The following FGD4 variants were observed in gnomAD, a reference collection of about 807,000 sequenced individuals.
FGD4 encodes the protein FYVE, RhoGEF and PH domain-containing protein 4.
Under a neutral mutation model 102.0 loss-of-function variants are expected in FGD4, and 42 were observed. The observed-to-expected ratio is 0.41, with a 90% CI of 0.32 to 0.53. FGD4 has a LOEUF of 0.53. FGD4 is among the 20% of genes least tolerant of loss of function. The pLI is 0.21. For synonymous variants in FGD4, 380 were observed against 375.7 expected (o/e 1.01, Z -0.13); for missense variants, 902 against 1,078.2 (o/e 0.84, Z 2.29).
chr12:32,428,621 G>GT (rs904968727), intron 1 of FGD4, among the ~76,000 whole-genome samples: 1 of 152,144 alleles, frequency 6.6e-6, no homozygotes, highest in Non-Finnish European at 1.5e-5. Context: ...GCCTTGCTAG[G>GT]TTGGGGAAGT....
At chr12:32,467,786 C>A (rs923717844) in intron 1 of FGD4, among the ~76,000 whole-genome samples, 1 of 152,100 alleles carries the variant, frequency 6.6e-6, no homozygotes, top group Non-Finnish European at 1.5e-5. Flanking sequence ...GAGGCCAAGG[C>A]GGGCAGATCA....
intron 1 of FGD4, among the ~76,000 whole-genome samples, chr12:32,403,955 A>G (rs1241704759): frequency 1.3e-5 from 2 of 152,014 alleles, no homozygotes; most frequent in Non-Finnish European, 2.9e-5. Context: ...TCCTATTGTG[A>G]AAACCCAAGG....
At chr12:32,469,963 C>G (rs961581691) in intron 1 of FGD4, among the ~76,000 whole-genome samples, 3 of 151,946 alleles carry the variant, frequency 2.0e-5, no homozygotes, top group Non-Finnish European at 4.4e-5. Flanking sequence ...CTGGCCTAAC[C>G]AATTTTCTAT....
At chr12:32,474,958 G>A (rs533858653) in intron 1 of FGD4, among the ~76,000 whole-genome samples, 5 of 152,176 alleles carry the variant, frequency 3.3e-5, no homozygotes, top group South Asian at 2.1e-4. Context: ...AATTGATGGC[G>A]GGTATATGTA....
At chr12:32,469,389 C>G (rs1273163001) in intron 1 of FGD4, among the ~76,000 whole-genome samples, 1 of 151,892 alleles carries the variant, frequency 6.6e-6, no homozygotes, top group Non-Finnish European at 1.5e-5. Context: ...AGGAATTCTC[C>G]TGCCTCAGCC....
chr12:32,583,015 G>A (rs1288826241), intron 4 of FGD4: 1 of 153,462 alleles, frequency 6.5e-6, no homozygotes, highest in Non-Finnish European at 1.4e-5. Context: ...AATAAATGGT[G>A]TAGTCTTTGA....
In FGD4 at chr12:32,506,314, A is replaced by G. The variant is rs978709981; in HGVS notation, c.167-57823A>G. 2.0e-5 allele frequency among the ~76,000 whole-genome samples: 3 copies of G among 152,120 alleles called. No individual in the cohort carries two copies. Among genetic ancestry groups the G allele is most frequent in the Non-Finnish European group, 4.4e-5 (3 of 68,026 alleles). On this transcript the variant is annotated intron_variant, in intron 1 of 16. Coordinates refer to ENST00000534526, the MANE Select transcript of FGD4 (RefSeq NM_001370298.3). This position sits in a 1 kb window ranked among gnomAD's most constrained non-coding sequence, Gnocchi z 4.5. ...TGTCATTATAAATACCAAGCTTTTA[A>G]AAAACATTAACTGCCAAGCCAATTG...
Position 32,582,083 on chromosome 12 carries a change from A to G in FGD4, c.627A>G (p.Pro209=). ...PQQKLLSQHL[P]QRQGNDTDKT... is the part of the protein sequence containing the mutation. ...AAAAACTCCTCTCCCAGCACTTGCC[A>G]CAGAGGCAGGGAAATGATACAGATA... Residue 209 remains proline (P), a synonymous_variant, in exon 4 of 17, where the codon CCA becomes CCG. Transcript: ENST00000534526. 1 of 1,614,228 alleles carries G rather than the reference A, an allele frequency of 6.2e-7. No homozygotes were observed.
chr12:32,417,935 T>C (rs2136409916), intron 1 of FGD4, among the ~76,000 whole-genome samples: 1 of 149,714 alleles, frequency 6.7e-6, no homozygotes, highest in African/African-American at 2.5e-5. Flanking sequence ...TTTCCAGGAA[T>C]GGTCCCTGGT....
intron 4 of FGD4, among the ~76,000 whole-genome samples, chr12:32,587,374 GTATTTATT>G (rs149737397): frequency 0.29 from 43,152 of 150,390 alleles, 6,479 homozygotes; most frequent in Middle Eastern, 0.49. Context: ...TTTTTATTCT[GTATTTATT>G]TATTTATTTA....
rs1338467073 is a variant in FGD4, at chr12:32,464,591, T to G, written c.166+64632T>G. 5.3e-5 allele frequency among the ~76,000 whole-genome samples: 8 copies of G among 152,302 alleles called. No homozygotes were observed. The South Asian group carries it at 6.2e-4, about 12-fold the overall frequency. On this transcript the variant is annotated intron_variant, in intron 1 of 16. Transcript: ENST00000534526. ...GGCTGATTGAATAATAATAGAAGAA[T>G]AAGAATGGATAAAATTTATTGAGAG...
chr12:32,399,585 C>T lies in FGD4; in HGVS notation c.-209C>T. ...AGATACCGAGACGCTGCGACTGCCGCAGGAGTCGCCGCAGCCAAACTCGCC... is the reference window on the plus strand; with the variant it reads ...AGATACCGAGACGCTGCGACTGCCGTAGGAGTCGCCGCAGCCAAACTCGCC... On this transcript the variant is annotated 5_prime_UTR_variant, in exon 1 of 17. Transcript: ENST00000534526. The T allele has an allele frequency of 7.8e-7, 1 of 1,274,054 alleles. No homozygotes were observed. The highest frequency in any genetic ancestry group is 1.0e-6 in the Non-Finnish European group (1 of 969,036). 78.9% of individuals were successfully genotyped at this position (1,274,054 alleles called of 1,614,324 possible). A position where few individuals can be genotyped will look rare whatever the true frequency, so the allele number is the denominator to read the frequency against.
In FGD4 at chr12:32,495,695, C is replaced by CAAAAAAAAAAAAAAAAAAAAAAA. The variant is rs766436638; in HGVS notation, c.167-68425_167-68424insAAAAAAAAAAAAAAAAAAAAAAA. 3.9e-4 allele frequency among the ~76,000 whole-genome samples: 30 copies of CAAAAAAAAAAAAAAAAAAAAAAA among 76,062 alleles called. 1 individual carries two copies. The highest frequency in any genetic ancestry group is 1.5e-3 in the African/African-American group (28 of 18,624). The allele number at this position is 76,062 out of a possible 152,430, so 49.9% of individuals were successfully genotyped here. ...TGGGCCACAGAGAGAGACTCTGTTT[C>CAAAAAAAAAAAAAAAAAAAAAAA]AAAAAAAAAAAAAAAAAGAAGCTTT... On this transcript the variant is annotated intron_variant, in intron 1 of 16. Transcript: ENST00000534526.
At chr12:32,444,673 G>C (rs1942561106) in intron 1 of FGD4, among the ~76,000 whole-genome samples, 1 of 152,162 alleles carries the variant, frequency 6.6e-6, no homozygotes, top group African/African-American at 2.4e-5. Context: ...CTAAAGTGCT[G>C]AGATTATAGG....
intron 5 of FGD4, among the ~76,000 whole-genome samples, chr12:32,600,257 C>A (rs562731155): frequency 1.3e-5 from 2 of 152,176 alleles, no homozygotes; most frequent in Non-Finnish European, 1.5e-5. Flanking sequence ...GGAGATATTT[C>A]TTTTCTCTTA....
chr12:32,503,193 C>T (rs1938379585), intron 1 of FGD4, among the ~76,000 whole-genome samples: 1 of 152,152 alleles, frequency 6.6e-6, no homozygotes, highest in African/African-American at 2.4e-5. Context: ...AGTCTGGATA[C>T]TTCTTTTGTG....
chr12:32,411,710 T>TA (rs1287107718), intron 1 of FGD4, among the ~76,000 whole-genome samples: 4 of 151,806 alleles, frequency 2.6e-5, no homozygotes, highest in Admixed American at 2.0e-4. Context: ...TGCAGTGGCT[T>TA]ACGCCTGTAA....
rs10844253 is a variant in FGD4, at chr12:32,611,250, G to A, written c.1716G>A (p.Arg572=). 478,326 of 1,613,716 alleles carry A rather than the reference G, an allele frequency of 0.3. 72,762 individuals carry two copies. The highest frequency in any genetic ancestry group is 0.41 in the South Asian group (37,407 of 91,076). ...GACAGATCCTCAAACTAGCTGCTCGGAACACTTCAGCACAAGAACGCTACC... is the reference window on the plus strand; with the variant it reads ...GACAGATCCTCAAACTAGCTGCTCGAAACACTTCAGCACAAGAACGCTACC... ...KEGQILKLAA[R]NTSAQERYLF... The change falls in exon 10 of 17, where the codon CGG becomes CGA. Residue 572 remains arginine (R), a synonymous_variant. Transcript: ENST00000534526.
In FGD4 at chr12:32,418,113, C is replaced by T. The variant is rs527773904; in HGVS notation, c.166+18154C>T. Among the ~76,000 whole-genome samples, 163 of 151,996 alleles carry T rather than the reference C, an allele frequency of 1.1e-3. 1 individual carries two copies. The highest frequency in any genetic ancestry group is 3.6e-3 in the African/African-American group (151 of 41,460). On this transcript the variant is annotated intron_variant, in intron 1 of 16. Coordinates refer to ENST00000534526, the MANE Select transcript of FGD4 (RefSeq NM_001370298.3). ...CTGGGACTACAGGCGCCCGCCACCACGCCCGGCTAATTTTTTGTATTTTTA... is the reference window on the plus strand; with the variant it reads ...CTGGGACTACAGGCGCCCGCCACCATGCCCGGCTAATTTTTTGTATTTTTA...
Sources: allele counts gnomAD v4.1 joint callset (sites outside exome capture counted in the v4.1 genomes callset), GRCh38; gene constraint gnomAD v4.1.1; non-coding constraint Gnocchi (gnomAD v3.1); transcripts MANE v1.5; gene names NCBI Gene and HGNC (gene_info 2026-07-23, HGNC 2026-07-21).